Variants in TASOR2 observed in about 807,000 individuals in gnomAD.
TASOR2 encodes the protein protein TASOR 2.
Under a neutral mutation model 199.5 loss-of-function variants are expected in TASOR2, and 84 were observed. That is an observed-to-expected ratio of 0.42 (90% CI 0.35 to 0.50). TASOR2 has a LOEUF of 0.50. TASOR2 is among the 20% of genes least tolerant of loss of function. TASOR2 has a pLI of 0.02. For synonymous variants in TASOR2, 1,103 were observed against 1,046.6 expected (o/e 1.05, Z -1.04); for missense variants, 2,796 against 2,835.9 (o/e 0.99, Z 0.32).
chr10:5,715,221 CT>C (rs58686940), intron 2 of TASOR2, among the ~76,000 whole-genome samples: 37,825 of 85,808 alleles, frequency 0.44, 5,436 homozygotes, highest in Non-Finnish European at 0.49. Flanking sequence ...TCCTGCTGAC[CT>C]TTTTTTTTTT....
rs1835966256 is a variant in TASOR2 at position 5,738,750 on chromosome 10, A to G, written c.1448-868A>G. 8.8e-6 allele frequency among the ~76,000 whole-genome samples: 1 copy of G among 113,622 alleles called. No homozygotes were observed. Among genetic ancestry groups the G allele is most frequent in the Non-Finnish European group, 1.8e-5 (1 of 55,140 alleles). The allele number at this position is 113,622 out of a possible 152,430, so 74.5% of individuals were successfully genotyped here. A position where few individuals can be genotyped will look rare whatever the true frequency, so the allele number is the denominator to read the frequency against. On this transcript the variant is annotated intron_variant, in intron 12 of 20. Coordinates refer to ENST00000328090, the Ensembl canonical transcript of TASOR2. This position sits in a 1 kb window ranked among gnomAD's most constrained non-coding sequence, Gnocchi z 4.7. ...AGTTGGCTTTTCTGGTCATCTGTCT[A>G]CCTGCAGCAGGGAATCATTGCCTAG...
chr10:5,705,441 T>C lies in TASOR2; in HGVS notation c.-287-7382T>C, dbSNP rs1838454325. ...TTAGGCTACTGTGAAAAAGCTGCTC[T>C]GAACATTCATGTGCAAGTGTTTTTG... is the stretch of plus-strand genomic sequence containing the variant. On this transcript the variant is annotated intron_variant, in intron 1 of 20. Coordinates refer to ENST00000328090, the Ensembl canonical transcript of TASOR2. 3.3e-5 allele frequency among the ~76,000 whole-genome samples: 5 copies of C among 152,346 alleles called. No homozygotes were observed. In the South Asian group the frequency reaches 1.0e-3, roughly 32 times the overall value.
In TASOR2 at chr10:5,723,861, A is replaced by G. The variant is rs529490538; in HGVS notation, c.247+84A>G. The G allele has an allele frequency of 2.0e-5, 15 of 766,482 alleles. No homozygotes were observed. In the South Asian group the frequency reaches 2.8e-4, roughly 14 times the overall value. 47.5% of individuals were successfully genotyped at this position (766,482 alleles called of 1,614,324 possible). A position where few individuals can be genotyped will look rare whatever the true frequency, so the allele number is the denominator to read the frequency against. On this transcript the variant is annotated intron_variant, in intron 7 of 20. Coordinates refer to ENST00000328090, the Ensembl canonical transcript of TASOR2. The stretch of plus-strand genomic sequence containing the variant: ...CTCTCTTCCAAACACTCACACATGC[A>G]CACTTCTGTTTCATCATAAGTGACT...
chr10:5,693,414 G>A lies in TASOR2; in HGVS notation c.-288+8239G>A, dbSNP rs532277522. ...GCCGTGATTATCTTGGTTTAAACTC[G>A]TATGTGGCAAGAAATTTTTTAATGA... On this transcript the variant is annotated intron_variant, in intron 1 of 20. Transcript: ENST00000328090. Among the ~76,000 whole-genome samples the A allele has an allele frequency of 9.8e-5, 15 of 152,308 alleles. No homozygotes were observed. In the East Asian group the frequency reaches 2.1e-3, roughly 22 times the overall value.
rs1235331790 is a variant in TASOR2 at position 5,724,610 on chromosome 10, A to G, written c.351+77A>G. On this transcript the variant is annotated intron_variant, in intron 8 of 20. Coordinates refer to ENST00000328090, the Ensembl canonical transcript of TASOR2. ...TATATTAGTTGTGCCTAGATGGCAC[A>G]TATATATATATTATATATATATATA... 3 of 122,748 alleles carry G rather than the reference A, an allele frequency of 2.4e-5. No homozygotes were observed. In the African/African-American group the frequency reaches 3.1e-4, roughly 13 times the overall value. 7.6% of individuals were successfully genotyped at this position (122,748 alleles called of 1,614,324 possible). A position where few individuals can be genotyped will look rare whatever the true frequency, so the allele number is the denominator to read the frequency against.
chr10:5,717,682 G>A lies in TASOR2; in HGVS notation c.-168G>A, dbSNP rs192283517. The A allele has an allele frequency of 3.7e-4, 455 of 1,224,882 alleles. 2 individuals are homozygous for A. In the African/African-American group the frequency reaches 6.3e-3, roughly 17 times the overall value. The allele number at this position is 1,224,882 out of a possible 1,614,324, so 75.9% of individuals were successfully genotyped here. ...AGGTGTATACATTTCCAAATACTCC[G>A]ACTGTCTTCATTCAAGACCATGGTA... On this transcript the variant is annotated 5_prime_UTR_variant, in exon 3 of 21. Transcript: ENST00000328090.
In TASOR2 at chr10:5,685,318, G is replaced by GGGT. The variant is rs1835686280; in HGVS notation, c.-288+146_-288+148dup. The GGGT allele has an allele frequency of 5.0e-6, 2 of 396,260 alleles. No homozygotes were observed. The highest frequency in any genetic ancestry group is 4.4e-5 in the Admixed American group (1 of 22,662). 24.5% of individuals were successfully genotyped at this position (396,260 alleles called of 1,614,324 possible). A position where few individuals can be genotyped will look rare whatever the true frequency, so the allele number is the denominator to read the frequency against. On this transcript the variant is annotated intron_variant, in intron 1 of 20. Coordinates refer to ENST00000328090, the Ensembl canonical transcript of TASOR2. This position sits in a 1 kb window ranked among gnomAD's most constrained non-coding sequence, Gnocchi z 5.4. ...GCCTTTTGCCGCGCTCCGGGTGAGGGGGTGGGAGGGGTCGGCGCCTTCTAG... is the reference window on the plus strand; with the variant it reads ...GCCTTTTGCCGCGCTCCGGGTGAGGGGGTGGTGGGAGGGGTCGGCGCCTTCTAG...
chr10:5,709,381 T>G, intron 1 of TASOR2: 1 of 469,084 alleles, frequency 2.1e-6, no homozygotes. Flanking sequence ...ACAAATTAAG[T>G]CCTTAGCTGA....
At chr10:5,729,454 A>G (rs1366617639) in intron 10 of TASOR2, among the ~76,000 whole-genome samples, 1 of 152,072 alleles carries the variant, frequency 6.6e-6, no homozygotes, top group Admixed American at 6.6e-5. Flanking sequence ...TAATCCCAGC[A>G]CTCCAGGAGG....
rs201947163 is a variant in TASOR2 at position 5,747,466 on chromosome 10, G to A, written c.4045G>A (p.Val1349Met). 281 of 1,614,016 alleles carry A rather than the reference G, an allele frequency of 1.7e-4. No homozygotes were observed. The highest frequency in any genetic ancestry group is 2.3e-4 in the Non-Finnish European group (270 of 1,180,018). ...TGACAATGTGTCAGTATATCCCTCA[G>A]TGTCAGAAGAACCAGTAGAAAATAA... Residue 1349 changes from valine (V) to methionine (M), a missense_variant, in exon 15 of 21, where the codon GTG (valine) becomes ATG (methionine). By Grantham distance (21) the Val-to-Met change is conservative (BLOSUM62 1). Transcript: ENST00000328090.
Position 5,750,041 on chromosome 10 carries a change from C to G in TASOR2, c.6606+14C>G, listed in dbSNP as rs750506386. The G allele has an allele frequency of 6.4e-7, 1 of 1,570,322 alleles. No individual in the cohort carries two copies. The highest frequency in any genetic ancestry group is 2.3e-5 in the East Asian group (1 of 44,376). On this transcript the variant is annotated intron_variant, in intron 15 of 20. Coordinates refer to ENST00000328090, the Ensembl canonical transcript of TASOR2. The surrounding 1 kb of genome is among the most constrained non-coding windows in gnomAD (Gnocchi z 5.4). ...GTAAGAACAAAGGTAAAGTGCCAGC[C>G]ACGTCTTACGTATTATTTTAATTGC...
chr10:5,736,916 A>G (rs1027840308), intron 12 of TASOR2, among the ~76,000 whole-genome samples: 8 of 152,074 alleles, frequency 5.3e-5, no homozygotes, highest in Admixed American at 3.9e-4. Context: ...AGATGTTACT[A>G]TCTCACAGAG....
At position 5,742,873 on chromosome 10, in the gene TASOR2, G is replaced by A. The variant is rs531198260; in HGVS notation, c.2757+347G>A. 6.6e-6 allele frequency among the ~76,000 whole-genome samples: 1 copy of A among 152,138 alleles called. No individual in the cohort carries two copies. Among genetic ancestry groups the A allele is most frequent in the South Asian group, 2.1e-4 (1 of 4,810 alleles). On this transcript the variant is annotated intron_variant, in intron 14 of 20. Coordinates refer to ENST00000328090, the Ensembl canonical transcript of TASOR2. This position sits in a 1 kb window ranked among gnomAD's most constrained non-coding sequence, Gnocchi z 4.2. ...AGTCTTATGTAGAATATTGTTTAAG[G>A]ATCAAATATAGCAATAATAAATCTT...
chr10:5,748,202 C>T lies in TASOR2; in HGVS notation c.4781C>T (p.Thr1594Ile). ...TCTTTGTCTGACACATTGGTTTCCA[C>T]AACTGCACCAAGTGGTATAGTGAAT... Residue 1594 changes from threonine to isoleucine, a missense_variant, in exon 15 of 21, where the codon ACA becomes ATA. Coordinates refer to ENST00000328090, the Ensembl canonical transcript of TASOR2. This position sits in a 1 kb window ranked among gnomAD's most constrained non-coding sequence, Gnocchi z 5.1. 6.2e-7 allele frequency: 1 copy of T among 1,614,224 alleles called. No homozygotes were observed. The highest frequency in any genetic ancestry group is 8.5e-7 in the Non-Finnish European group (1 of 1,180,046).
chr10:5,747,701 T>A (rs1432646482), exon 15 of TASOR2: 3 of 1,614,058 alleles, frequency 1.9e-6, no homozygotes, highest in Admixed American at 1.7e-5. Flanking sequence ...ATTTTAAAAC[T>A]TCATGGTACA....
chr10:5,761,122 G>A, intron 18 of TASOR2, 168 bp from the exon 20 acceptor site: 1 of 574,838 alleles, frequency 1.7e-6, no homozygotes. Context: ...TTTACAAAAG[G>A]AGTAGGTACA....
Position 5,720,958 on chromosome 10 carries a change from T to C in TASOR2, c.134T>C (p.Ile45Thr), listed in dbSNP as rs1199412924. 4 of 1,611,662 alleles carry C rather than the reference T, an allele frequency of 2.5e-6. No individual in the cohort carries two copies. Among genetic ancestry groups the C allele is most frequent in the Admixed American group, 1.7e-5 (1 of 59,698 alleles). Residue 45 changes from isoleucine to threonine, a missense_variant, in exon 6 of 21, where the codon ATT (isoleucine) becomes ACT (threonine). By Grantham distance (89) the Ile-to-Thr change is moderately conservative. Around this residue, in one of 3 missense-constraint regions of TASOR2, gnomAD observed 847 missense variants for 887.4 expected, o/e 0.95. Coordinates refer to ENST00000328090, the Ensembl canonical transcript of TASOR2. The surrounding 1 kb of genome is among the most constrained non-coding windows in gnomAD (Gnocchi z 5.3). ...CTTTGGTCCACTTACGGTGCAATGA[T>C]TCCAACACAGCTGTAAGTATTAAAT...
At chr10:5,704,425 T>C (rs2131528867) in intron 1 of TASOR2, among the ~76,000 whole-genome samples, 1 of 152,230 alleles carries the variant, frequency 6.6e-6, no homozygotes. Context: ...ATTTTTTCTA[T>C]AAAAATTGTT....
chr10:5,754,138 C>T lies in TASOR2; in HGVS notation c.6607-2475C>T, dbSNP rs145197229. ...TAGCCAATATAGTGAAACCCCGTCTCTACTAAAAATAAAAAAATTAGCCGG... is the reference window on the plus strand; with the variant it reads ...TAGCCAATATAGTGAAACCCCGTCTTTACTAAAAATAAAAAAATTAGCCGG... On this transcript the variant is annotated intron_variant, in intron 15 of 20. Transcript: ENST00000328090. This position sits in a 1 kb window ranked among gnomAD's most constrained non-coding sequence, Gnocchi z 4.3. Among the ~76,000 whole-genome samples, 219 of 152,184 alleles carry T rather than the reference C, an allele frequency of 1.4e-3. No homozygotes were observed. The highest frequency in any genetic ancestry group is 5.0e-3 in the African/African-American group (207 of 41,520).
Sources: gnomAD v4.1 joint callset for allele counts (sites outside exome capture counted in the v4.1 genomes callset) on GRCh38, gnomAD v4.1.1 for gene constraint, gnomAD v4.1.1 regional missense constraint, Gnocchi (gnomAD v3.1) non-coding constraint, MANE v1.5 for transcripts, NCBI Gene and HGNC (gene_info 2026-07-23, HGNC 2026-07-21) for gene names.